Variants in LRRK2 observed in about 807,000 individuals in gnomAD.
LRRK2 encodes the protein leucine rich repeat kinase 2.
A neutral mutation model predicts 302.6 loss-of-function variants in LRRK2; 203 were observed. That is an observed-to-expected ratio of 0.67 (90% confidence interval 0.60 to 0.75). The LOEUF is 0.75. Ranked by LOEUF, LRRK2 falls within the 30% of genes least tolerant of loss-of-function variation. LRRK2 has a pLI of 0.00. For synonymous variants in LRRK2, 1,066 were observed against 1,031.9 expected, an observed-to-expected ratio of 1.03 and a Z score of -0.63; for missense variants, 2,830 against 2,951.0, an observed-to-expected ratio of 0.96 and a Z score of 0.95.
chr12:40,324,009 GT>G (rs1945477390), intron 38 of LRRK2, among the ~76,000 whole-genome samples: 2 of 151,980 alleles, frequency 1.3e-5, no homozygotes, highest in African/African-American at 2.4e-5. Context: ...CCTAAAAGAT[GT>G]TTTTAAAACA....
At chr12:40,362,316 T>G (rs1463992386) in intron 47 of LRRK2, among the ~76,000 whole-genome samples, 1 of 152,076 alleles carries the variant, frequency 6.6e-6, no homozygotes, top group African/African-American at 2.4e-5. Flanking sequence ...TACTAATGAT[T>G]GTTAAATCTT....
chr12:40,228,720 G>A (rs1227447942), intron 2 of LRRK2, among the ~76,000 whole-genome samples: 1 of 151,964 alleles, frequency 6.6e-6, no homozygotes, highest in African/African-American at 2.4e-5. Flanking sequence ...TCTAGTAGTT[G>A]CATATTTTCA....
chr12:40,236,754 A>G (rs1003638611), intron 4 of LRRK2, among the ~76,000 whole-genome samples: 3 of 152,190 alleles, frequency 2.0e-5, no homozygotes, highest in Non-Finnish European at 2.9e-5. Context: ...AGGGAAAAAC[A>G]AGAAGGTACT....
intron 41 of LRRK2, among the ~76,000 whole-genome samples, chr12:40,345,749 G>T (rs751975431): frequency 1.3e-5 from 2 of 151,088 alleles, no homozygotes; most frequent in Non-Finnish European, 2.9e-5. Context: ...CTCTCTTTGC[G>T]TATGAATGAA....
chr12:40,316,045 A>C (rs190215542), intron 33 of LRRK2, among the ~76,000 whole-genome samples: 60 of 152,178 alleles, frequency 3.9e-4, no homozygotes, highest in African/African-American at 1.4e-3. Flanking sequence ...ACAAGCAAAA[A>C]TGTATCCAGA....
chr12:40,296,847 C>T (rs1944404381), intron 23 of LRRK2, among the ~76,000 whole-genome samples: 1 of 152,092 alleles, frequency 6.6e-6, no homozygotes, highest in African/African-American at 2.4e-5. Flanking sequence ...GTGTCTTTCT[C>T]TCTTCTCCAC....
intron 35 of LRRK2, 29 bp from the exon 36 acceptor site, chr12:40,322,006 A>G: frequency 1.1e-5 from 18 of 1,611,960 alleles, no homozygotes; most frequent in Non-Finnish European, 1.5e-5. Context: ...CTTAGGAAGC[A>G]GTTAATAATT....
At position 40,278,275 on chromosome 12, in the gene LRRK2, GC is replaced by G. The variant is rs1565705863; in HGVS notation, c.2241+16del. Reference sequence around the variant, plus strand: ...TTAATTTGTCAGGTAAATATTCAAGGCCTCACTTTTGTCTTTGCTCAGTATT... The same window carrying G: ...TTAATTTGTCAGGTAAATATTCAAGGCTCACTTTTGTCTTTGCTCAGTATT... On this transcript the variant is annotated intron_variant, in intron 18 of 50. Transcript: ENST00000298910. 5.0e-6 allele frequency: 8 copies of G among 1,613,980 alleles called. No individual in the cohort carries two copies. The South Asian group carries it at 8.8e-5, about 18-fold the overall frequency.
intron 14 of LRRK2, among the ~76,000 whole-genome samples, chr12:40,269,258 A>G (rs142359627): frequency 6.6e-6 from 1 of 152,302 alleles, no homozygotes; most frequent in African/African-American, 2.4e-5. Flanking sequence ...AACAAACTAA[A>G]TGCTTACATG....
intron 47 of LRRK2, among the ~76,000 whole-genome samples, chr12:40,362,206 C>T (rs542143331): frequency 2.0e-5 from 3 of 151,888 alleles, no homozygotes; most frequent in Non-Finnish European, 4.4e-5. Flanking sequence ...AAGGAATTAC[C>T]TAAAGCGTAG....
At chr12:40,332,339 A>G (rs549651970) in intron 39 of LRRK2, among the ~76,000 whole-genome samples, 1 of 152,174 alleles carries the variant, frequency 6.6e-6, no homozygotes, top group African/African-American at 2.4e-5. Flanking sequence ...TTATTCCTGT[A>G]TTCTCTCTTG....
intron 14 of LRRK2, among the ~76,000 whole-genome samples, chr12:40,271,672 A>G (rs534136695): frequency 1.3e-5 from 2 of 152,314 alleles, no homozygotes; most frequent in South Asian, 4.1e-4. Flanking sequence ...TGTAAATATC[A>G]TGATAGTCAT....
chr12:40,320,832 A>G (rs1469975541), intron 34 of LRRK2, among the ~76,000 whole-genome samples: 13 of 152,058 alleles, frequency 8.5e-5, no homozygotes, highest in Admixed American at 7.9e-4. Context: ...TATTTCATGC[A>G]TCTACATCTG....
intron 40 of LRRK2, 109 bp from the exon 41 acceptor site, chr12:40,340,185 A>T: frequency 8.9e-7 from 1 of 1,123,834 alleles, no homozygotes; most frequent in South Asian, 1.4e-5. Flanking sequence ...AAGTGAGCAC[A>T]GAATTTTTGA....
chr12:40,268,337 C>G (rs1234046976), intron 14 of LRRK2, among the ~76,000 whole-genome samples: 1 of 152,122 alleles, frequency 6.6e-6, no homozygotes, highest in Non-Finnish European at 1.5e-5. Flanking sequence ...TTCACAAAAA[C>G]CTTGAAGCAA....
At chr12:40,279,859 A>T (rs1035034521) in intron 18 of LRRK2, among the ~76,000 whole-genome samples, 3 of 152,220 alleles carry the variant, frequency 2.0e-5, no homozygotes, top group African/African-American at 7.2e-5. Flanking sequence ...ATATCTAGCA[A>T]ACAATAACTG....
chr12:40,309,582 A>G (rs1236100650), intron 30 of LRRK2, among the ~76,000 whole-genome samples: 1 of 152,128 alleles, frequency 6.6e-6, no homozygotes, highest in Non-Finnish European at 1.5e-5. Flanking sequence ...AGCAATCTAT[A>G]TATATATATC....
intron 2 of LRRK2, among the ~76,000 whole-genome samples, chr12:40,229,785 G>A (rs1037143455): frequency 6.6e-6 from 1 of 152,132 alleles, no homozygotes; most frequent in Admixed American, 6.5e-5. Context: ...CTGCTTTGCT[G>A]CCAGAGATTC....
At chr12:40,291,334 G>T (rs377414905) in intron 20 of LRRK2, among the ~76,000 whole-genome samples, 2 of 151,532 alleles carry the variant, frequency 1.3e-5, no homozygotes, top group Non-Finnish European at 1.5e-5. Flanking sequence ...ATGTAAATGA[G>T]GAGTTAATGG....
Sources: gnomAD v4.1 joint callset for allele counts (sites outside exome capture counted in the v4.1 genomes callset) on GRCh38, gnomAD v4.1.1 for gene constraint, MANE v1.5 for transcripts, NCBI Gene and HGNC (gene_info 2026-07-23, HGNC 2026-07-21) for gene names.